The following NRXN3 variants were observed in gnomAD, a reference collection of about 807,000 sequenced individuals.
NRXN3 encodes the protein neurexin 3.
In NRXN3, 32 loss-of-function variants were observed where a neutral mutation model predicts 137.6. The observed-to-expected ratio is 0.23, with a 90% CI of 0.18 to 0.31. The LOEUF is 0.31. Among genes scored for constraint, NRXN3 ranks in the 10% least tolerant of loss-of-function variants. The pLI, the probability that NRXN3 is intolerant of heterozygous loss-of-function variation, is 1.00. For synonymous variants in NRXN3, 798 were observed against 784.5 expected, an observed-to-expected ratio of 1.02 and a Z score of -0.29; for missense variants, 1,574 against 2,062.5, an observed-to-expected ratio of 0.76 and a Z score of 4.59.
intron 16 of NRXN3, among the ~76,000 whole-genome samples, chr14:79,479,655 C>T (rs2096589805): frequency 6.6e-6 from 1 of 152,110 alleles, no homozygotes; most frequent in East Asian, 1.9e-4. Flanking sequence ...AAGCAGCATA[C>T]ATAACTTAAA....
chr14:78,510,717 T>C (rs2096088013), intron 4 of NRXN3, among the ~76,000 whole-genome samples: 1 of 152,190 alleles, frequency 6.6e-6, no homozygotes, highest in African/African-American at 2.4e-5. Flanking sequence ...GTCAATCTCT[T>C]GCTTTTTTCC....
intron 15 of NRXN3, among the ~76,000 whole-genome samples, chr14:79,339,890 C>A (rs927315736): frequency 4.6e-5 from 7 of 152,110 alleles, no homozygotes; most frequent in African/African-American, 1.7e-4. Context: ...AGGTAAAATG[C>A]ATACAATTAG....
chr14:79,584,595 C>T (rs1411979495), intron 16 of NRXN3, among the ~76,000 whole-genome samples: 5 of 152,124 alleles, frequency 3.3e-5, no homozygotes, highest in Admixed American at 6.5e-5. Flanking sequence ...GCACTGTAAC[C>T]TTGAGACCTA....
chr14:79,371,282 A>T (rs2094101585), intron 15 of NRXN3, among the ~76,000 whole-genome samples: 1 of 152,184 alleles, frequency 6.6e-6, no homozygotes. Flanking sequence ...ACCTTTTAAA[A>T]TATAGAATAA....
chr14:78,438,805 C>G (rs148226290), intron 4 of NRXN3, among the ~76,000 whole-genome samples: 4 of 152,028 alleles, frequency 2.6e-5, no homozygotes, highest in African/African-American at 9.7e-5. Flanking sequence ...AAGGACACAG[C>G]TGTGTTGGAG....
At chr14:79,419,590 G>A (rs2095546473) in intron 15 of NRXN3, among the ~76,000 whole-genome samples, 1 of 152,026 alleles carries the variant, frequency 6.6e-6, no homozygotes, top group African/African-American at 2.4e-5. Context: ...GCCTCCTGCT[G>A]CCACATTTAA....
intron 6 of NRXN3, chr14:78,703,515 A>C (rs1276394597): frequency 5.3e-5 from 8 of 152,236 alleles, no homozygotes; most frequent in African/African-American, 1.7e-4. Context: ...GAATAAGTTC[A>C]TTTCATTATT....
rs1331784856 is a variant in NRXN3, at chr14:78,880,194, C to T, written c.2275+69850C>T. Among the ~76,000 whole-genome samples, 20 of 135,974 alleles carry T rather than the reference C, an allele frequency of 1.5e-4. 1 individual carries two copies. The highest frequency in any genetic ancestry group is 7.7e-4 in the Admixed American group (11 of 14,244). The allele number at this position is 135,974 out of a possible 152,430, so 89.2% of individuals were successfully genotyped here. ...GGCGGAGCTTGCAGTGAGCCGAGAT[C>T]CCGCCACTGCACTCCAGCCTGGGCG... On this transcript the variant is annotated intron_variant, in intron 10 of 20. Coordinates refer to ENST00000335750, the MANE Select transcript of NRXN3 (RefSeq NM_001330195.2).
chr14:79,831,834 GATCT>G lies in NRXN3; in HGVS notation c.4093+26646_4093+26649del, dbSNP rs1412151525. On this transcript the variant is annotated intron_variant, in intron 20 of 20. Coordinates refer to ENST00000335750, the MANE Select transcript of NRXN3 (RefSeq NM_001330195.2). Reference sequence around the variant, plus strand: ...AGTTCAGAACTTGAAGTCAGCAGCAGATCTACCTTTTAGTTTGCAGTTTACTTTG... The same window carrying G: ...AGTTCAGAACTTGAAGTCAGCAGCAGACCTTTTAGTTTGCAGTTTACTTTG... Among the ~76,000 whole-genome samples, 7 of 152,252 alleles carry G rather than the reference GATCT, an allele frequency of 4.6e-5. No individual in the cohort carries two copies. In the East Asian group the frequency reaches 1.4e-3, roughly 29 times the overall value.
intron 1 of NRXN3, among the ~76,000 whole-genome samples, chr14:78,228,055 A>C (rs2064906315): frequency 6.6e-6 from 1 of 152,144 alleles, no homozygotes; most frequent in Admixed American, 6.5e-5. Context: ...TAAATTGCCA[A>C]GGGTATGGAG....
intron 4 of NRXN3, among the ~76,000 whole-genome samples, chr14:78,482,883 A>ACTGC (rs1376513303): frequency 6.6e-5 from 10 of 152,138 alleles, no homozygotes; most frequent in Non-Finnish European, 1.3e-4. Context: ...GTTACTAGTC[A>ACTGC]ATCTGGGTTG....
chr14:78,644,279 T>TC (rs2152572125), intron 4 of NRXN3, among the ~76,000 whole-genome samples: 1 of 152,180 alleles, frequency 6.6e-6, no homozygotes, highest in Admixed American at 6.6e-5. Flanking sequence ...TGAAATATTG[T>TC]CTTGAAAGAG....
At chr14:79,465,744 T>C (rs1040915053) in intron 15 of NRXN3, among the ~76,000 whole-genome samples, 1 of 152,246 alleles carries the variant, frequency 6.6e-6, no homozygotes, top group Non-Finnish European at 1.5e-5. Context: ...TGTATAATGC[T>C]GCTTTAAAAG....
chr14:78,280,496 C>A (rs2074256931), intron 3 of NRXN3, among the ~76,000 whole-genome samples: 1 of 152,084 alleles, frequency 6.6e-6, no homozygotes, highest in African/African-American at 2.4e-5. Context: ...AAGTCCAACA[C>A]CTCGTTTTGT....
chr14:79,287,110 G>A (rs945892266), intron 15 of NRXN3, among the ~76,000 whole-genome samples: 1 of 152,070 alleles, frequency 6.6e-6, no homozygotes, highest in African/African-American at 2.4e-5. Context: ...TGCATCTGCT[G>A]GTTCTCCTCA....
intron 16 of NRXN3, among the ~76,000 whole-genome samples, chr14:79,604,532 G>GA (rs1262247420): frequency 1.7e-5 from 2 of 114,684 alleles, no homozygotes; most frequent in Non-Finnish European, 3.3e-5. Flanking sequence ...ACTGCTCCCG[G>GA]ACTTTTTTTT....
chr14:78,680,797 G>A (rs535309877), intron 6 of NRXN3, among the ~76,000 whole-genome samples: 2 of 152,190 alleles, frequency 1.3e-5, no homozygotes, highest in Non-Finnish European at 2.9e-5. Context: ...TCAATACTCT[G>A]GTTTCTGCCC....
At chr14:79,705,199 G>A (rs541126901) in intron 19 of NRXN3, among the ~76,000 whole-genome samples, 3 of 152,224 alleles carry the variant, frequency 2.0e-5, no homozygotes, top group South Asian at 4.1e-4. Context: ...TCAGTTCTTG[G>A]CTACCCACGG....
At chr14:78,283,376 G>GT (rs2074689663) in intron 3 of NRXN3, 1 of 152,136 alleles carries the variant, frequency 6.6e-6, no homozygotes, top group Non-Finnish European at 1.5e-5. Context: ...ATTTTTAAAT[G>GT]GCTGGGAACA....
Sources: allele counts gnomAD v4.1 joint callset (sites outside exome capture counted in the v4.1 genomes callset), GRCh38; gene constraint gnomAD v4.1.1; transcripts MANE v1.5; gene names NCBI Gene and HGNC (gene_info 2026-07-23, HGNC 2026-07-21).